IARS1: variants seen among roughly 807,000 people sequenced by gnomAD.
The protein encoded by IARS1 is isoleucine--tRNA ligase, cytoplasmic.
In IARS1, 124 loss-of-function variants were observed where a neutral mutation model predicts 168.2. The ratio of observed to expected loss-of-function variants is 0.74; its 90% confidence interval spans 0.64 to 0.86. The LOEUF (loss-of-function observed/expected upper bound fraction) is 0.86. Ranked by LOEUF, IARS1 falls within the 40% of genes least tolerant of loss-of-function variation. The probability of loss-of-function intolerance (pLI) is 0.00; values close to 1 mark genes in which losing one functional copy is unlikely to be tolerated. For synonymous variants in IARS1, 532 were observed against 529.4 expected (o/e 1.00, Z -0.07); for missense variants, 1,452 against 1,515.8 (o/e 0.96, Z 0.70).
chr9:92,214,962 G>A (rs1285050530), intron 33 of IARS1, among the ~76,000 whole-genome samples: 1 of 152,220 alleles, frequency 6.6e-6, no homozygotes, highest in Admixed American at 6.5e-5. Flanking sequence ...CTCCACCTCT[G>A]GGGGCAGGGC....
At chr9:92,222,189 C>A (rs1013310802) in intron 33 of IARS1, among the ~76,000 whole-genome samples, 61 of 151,450 alleles carry the variant, frequency 4.0e-4, no homozygotes, top group Non-Finnish European at 5.2e-4. Context: ...TGGTGGCAGG[C>A]GCCCGTAGTC....
chr9:92,254,757 AC>A (rs1382733460), intron 20 of IARS1, among the ~76,000 whole-genome samples: 1 of 152,154 alleles, frequency 6.6e-6, no homozygotes, highest in Non-Finnish European at 1.5e-5. Flanking sequence ...AGCAGCCACT[AC>A]CCAGGCCACC....
intron 20 of IARS1, among the ~76,000 whole-genome samples, chr9:92,255,006 G>A (rs754649397): frequency 1.3e-5 from 2 of 152,252 alleles, no homozygotes; most frequent in East Asian, 1.9e-4. Flanking sequence ...CAATCCCCAC[G>A]TTTCCCACCC....
At chr9:92,212,919 T>A (rs1351500857) in intron 33 of IARS1, among the ~76,000 whole-genome samples, 1 of 151,986 alleles carries the variant, frequency 6.6e-6, no homozygotes, top group Non-Finnish European at 1.5e-5. Context: ...AAGGCAGGAA[T>A]GTTCATGAAG....
chr9:92,222,189 C>T (rs1013310802), intron 33 of IARS1, among the ~76,000 whole-genome samples: 1 of 151,452 alleles, frequency 6.6e-6, no homozygotes, highest in Non-Finnish European at 1.5e-5. Flanking sequence ...TGGTGGCAGG[C>T]GCCCGTAGTC....
chr9:92,253,789 A>G (rs1301902355), intron 20 of IARS1: 2 of 498,778 alleles, frequency 4.0e-6, no homozygotes, highest in Admixed American at 4.4e-5. Context: ...ATTTACACGG[A>G]GCTGTGCAAT....
At chr9:92,282,851 TATA>T (rs1834837257) in intron 6 of IARS1, among the ~76,000 whole-genome samples, 1 of 143,008 alleles carries the variant, frequency 7.0e-6, no homozygotes, top group African/African-American at 2.6e-5. Context: ...TATATATATA[TATA>T]TATATATTTT....
chr9:92,220,526 A>G (rs1032815802), intron 33 of IARS1, among the ~76,000 whole-genome samples: 8 of 152,212 alleles, frequency 5.3e-5, no homozygotes, highest in Non-Finnish European at 1.2e-4. Context: ...CTGAGGCAGG[A>G]GAATCGCTTG....
intron 30 of IARS1, among the ~76,000 whole-genome samples, chr9:92,239,749 C>G (rs1828086247): frequency 1.3e-5 from 2 of 152,132 alleles, no homozygotes; most frequent in South Asian, 4.1e-4. Context: ...CAGCTTCCTA[C>G]TTTGTCTTCT....
intron 6 of IARS1, among the ~76,000 whole-genome samples, chr9:92,281,344 G>C (rs902327300): frequency 1.3e-5 from 2 of 151,956 alleles, no homozygotes; most frequent in African/African-American, 4.8e-5. Context: ...ATGTTGGTTA[G>C]GCTGGTCTCA....
chr9:92,245,768 AT>A (rs572872450), intron 26 of IARS1, among the ~76,000 whole-genome samples: 346 of 143,198 alleles, frequency 2.4e-3, no homozygotes, highest in Non-Finnish European at 2.3e-3. Flanking sequence ...TAGCCCAGGA[AT>A]TTTTTTTTTT....
In IARS1 at chr9:92,259,006, A is replaced by G. The variant is rs1402929981; in HGVS notation, c.1872-8T>C. 6.3e-7 allele frequency: 1 copy of G among 1,590,616 alleles called. No individual in the cohort carries two copies. The highest frequency in any genetic ancestry group is 2.2e-5 in the East Asian group (1 of 44,738). ...GAGTTAATCAGATATAATCTGGAAG[A>G]GGGAGAAAAATTAGACAGAAAAGGT... On this transcript the variant is annotated splice_region_variant and splice_polypyrimidine_tract_variant and intron_variant, in intron 18 of 33. Coordinates refer to ENST00000443024, the MANE Select transcript of IARS1 (RefSeq NM_002161.6).
Position 92,268,297 on chromosome 9 carries a change from G to A in IARS1, c.1308C>T (p.Val436=). Reference sequence around the variant, plus strand: ...ATCGTTTTTCTCGTACCAACTCTGGGACCCTGCAATAAACAGATCACATAA... The same window carrying A: ...ATCGTTTTTCTCGTACCAACTCTGGAACCCTGCAATAAACAGATCACATAA... The part of the protein sequence containing the change: ...LLRNNDLCYW[V]PELVREKRFG... Residue 436 remains valine, a synonymous_variant, in exon 14 of 34, where the codon GTC becomes GTT. Transcript: ENST00000443024. 3 of 1,608,796 alleles carry A rather than the reference G, an allele frequency of 1.9e-6. No homozygotes were observed. The highest frequency in any genetic ancestry group is 2.5e-6 in the Non-Finnish European group (3 of 1,178,758).
chr9:92,277,306 T>A (rs980295017), intron 9 of IARS1, among the ~76,000 whole-genome samples: 6 of 151,942 alleles, frequency 3.9e-5, no homozygotes, highest in African/African-American at 1.5e-4. Context: ...ATGCCTGTAA[T>A]CCCAGCTGCT....
chr9:92,279,964 T>A (rs1374658449), intron 7 of IARS1, among the ~76,000 whole-genome samples: 1 of 152,236 alleles, frequency 6.6e-6, no homozygotes, highest in East Asian at 1.9e-4. Flanking sequence ...ATAGCCTGTA[T>A]CAGAATTTCC....
intron 33 of IARS1, among the ~76,000 whole-genome samples, chr9:92,214,741 T>A (rs1002692086): frequency 1.6e-4 from 24 of 152,148 alleles, no homozygotes; most frequent in African/African-American, 5.6e-4. Flanking sequence ...CACCACGAGA[T>A]TATACCCCGC....
intron 30 of IARS1, among the ~76,000 whole-genome samples, chr9:92,237,645 C>T (rs148261233): frequency 4.6e-5 from 7 of 152,218 alleles, no homozygotes; most frequent in Admixed American, 6.5e-5. Context: ...TTTTGTTAGA[C>T]GCATATAAAT....
intron 31 of IARS1, among the ~76,000 whole-genome samples, chr9:92,227,763 C>T (rs1311985217): frequency 1.3e-5 from 2 of 151,742 alleles, no homozygotes; most frequent in African/African-American, 4.8e-5. Context: ...ACGCTCCTCA[C>T]TTCCTAGATG....
rs58227589 is a variant in IARS1 at position 92,225,590 on chromosome 9, T to TTTA, written c.3410-2102_3410-2101insTAA. ...AAAAGTGTGATTTTTTTTTTTTTTT[T>TTTA]AATCTACTAGGGTCTTTATTTGGAA... On this transcript the variant is annotated intron_variant, in intron 31 of 33. Coordinates refer to ENST00000443024, the MANE Select transcript of IARS1 (RefSeq NM_002161.6). Among the ~76,000 whole-genome samples, 925 of 151,338 alleles carry TTTA rather than the reference T, an allele frequency of 6.1e-3. 14 individuals carry two copies. The highest frequency in any genetic ancestry group is 0.018 in the African/African-American group (732 of 41,072).
Sources: gnomAD v4.1 joint callset for allele counts (sites outside exome capture counted in the v4.1 genomes callset) on GRCh38, gnomAD v4.1.1 for gene constraint, MANE v1.5 for transcripts, NCBI Gene and HGNC (gene_info 2026-07-23, HGNC 2026-07-21) for gene names.